TMEM131L: variants seen among roughly 807,000 people sequenced by gnomAD.
The protein encoded by TMEM131L is transmembrane 131 like.
Under a neutral mutation model 192.2 loss-of-function variants are expected in TMEM131L, and 54 were observed. The observed-to-expected ratio is 0.28, with a 90% confidence interval of 0.23 to 0.35. The LOEUF is 0.35. TMEM131L is among the 10% of genes least tolerant of loss of function. The pLI, the probability that TMEM131L is intolerant of heterozygous loss-of-function variation, is 1.00. For missense variants in TMEM131L, 1,888 were observed against 1,972.9 expected (o/e 0.96, Z 0.82); for synonymous variants, 701 against 704.9 (o/e 0.99, Z 0.09).
At position 153,602,236 on chromosome 4, in the gene TMEM131L, C is replaced by T. The variant is rs1214145417; in HGVS notation, c.2351C>T (p.Ser784Phe). The change falls in exon 22 of 35, where the codon TCT (serine) becomes TTT (phenylalanine). Residue 784 changes from serine (S) to phenylalanine (F), a missense_variant. Physicochemically the swap from Ser to Phe is radical, Grantham distance 155 (BLOSUM62 -2). Coordinates refer to ENST00000409959, the MANE Select transcript of TMEM131L (RefSeq NM_001131007.2). ...NIGPLPITVSSLKINGYNCQG... is the reference protein window; with the variant it reads ...NIGPLPITVSFLKINGYNCQG... ...GGACCTCTTCCTATAACTGTTTCGT[C>T]TCTGAAAATTAATGGGTATAACTGC... 6.2e-7 allele frequency: 1 copy of T among 1,613,278 alleles called. No homozygotes were observed.
At chr4:153,552,412 G>A (rs532372269) in intron 4 of TMEM131L, among the ~76,000 whole-genome samples, 29 of 152,160 alleles carry the variant, frequency 1.9e-4, no homozygotes, top group Non-Finnish European at 8.8e-5. Flanking sequence ...TGCACATGGG[G>A]GTATGTTTAC....
intron 3 of TMEM131L, among the ~76,000 whole-genome samples, chr4:153,512,633 G>A (rs1734432376): frequency 6.6e-6 from 1 of 151,548 alleles, no homozygotes; most frequent in Non-Finnish European, 1.5e-5. Flanking sequence ...TTTATCTTTT[G>A]AGACAGAGTC....
At position 153,584,927 on chromosome 4, in the gene TMEM131L, CAG is replaced by C; in HGVS notation, c.1154_1155del (p.Gln385ArgfsTer4). The C allele has an allele frequency of 6.2e-7, 1 of 1,611,424 alleles. No homozygotes were observed. The highest frequency in any genetic ancestry group is 8.5e-7 in the Non-Finnish European group (1 of 1,177,584). Reference protein sequence around the residue: ...LKACLFSSVAQGYFRMDSSAT... With the variant: ...LKACLFSSVAXGYFRMDSSAT... ...AGCATGCCTCTTCTCTTCTGTGGCTCAGGGGTAGGTTACTTCCACTTTCCCTG... is the reference window on the plus strand; with the variant it reads ...AGCATGCCTCTTCTCTTCTGTGGCTCGGGTAGGTTACTTCCACTTTCCCTG... On this transcript the variant is annotated frameshift_variant and splice_region_variant, in exon 12 of 35. Coordinates refer to ENST00000409959, the MANE Select transcript of TMEM131L (RefSeq NM_001131007.2). LOFTEE classifies it high-confidence loss of function.
chr4:153,583,744 CTA>C, intron 11 of TMEM131L, 72 bp downstream of exon 11: 3 of 864,156 alleles, frequency 3.5e-6, no homozygotes, highest in Non-Finnish European at 5.7e-6. Context: ...CTTTCTACAA[CTA>C]CAGATTAGGC....
intron 7 of TMEM131L, 174 bp downstream of exon 7, chr4:153,558,542 G>A (rs1005890712): frequency 1.4e-5 from 6 of 427,730 alleles, no homozygotes; most frequent in Non-Finnish European, 2.1e-5. Context: ...GGAGTTCACA[G>A]TGTTGATATT....
In TMEM131L at chr4:153,591,154, T is replaced by G. The variant is rs893485964; in HGVS notation, c.1772T>G (p.Leu591Arg). 1 of 1,610,344 alleles carries G rather than the reference T, an allele frequency of 6.2e-7. No homozygotes were observed. Among genetic ancestry groups the G allele is most frequent in the African/African-American group, 1.3e-5 (1 of 74,862 alleles). ...FLPRLIAEPG[L>R]MLNFSATALR... Reference sequence around the variant, plus strand: ...CCTCGTTTGATCGCAGAGCCTGGCCTCATGTTAAACTTCAGCGCAACTGCC... The same window carrying G: ...CCTCGTTTGATCGCAGAGCCTGGCCGCATGTTAAACTTCAGCGCAACTGCC... Residue 591 changes from leucine to arginine, a missense_variant, in exon 17 of 35, where the codon CTC (leucine) becomes CGC (arginine). Physicochemically the swap from Leu to Arg is moderately radical, Grantham distance 102. Transcript: ENST00000409959.
intron 3 of TMEM131L, among the ~76,000 whole-genome samples, chr4:153,506,613 G>T (rs539459405): frequency 3.3e-5 from 5 of 152,142 alleles, no homozygotes; most frequent in Admixed American, 6.5e-5. Flanking sequence ...GAGGCCAAGG[G>T]GGGGACTCAT....
intron 3 of TMEM131L, among the ~76,000 whole-genome samples, chr4:153,475,781 G>A (rs1444259575): frequency 6.6e-6 from 1 of 152,008 alleles, no homozygotes; most frequent in Non-Finnish European, 1.5e-5. Context: ...CATTGTATTA[G>A]GTATTATTAG....
At chr4:153,627,299 G>A (rs955984937) in intron 30 of TMEM131L, among the ~76,000 whole-genome samples, 6 of 152,130 alleles carry the variant, frequency 3.9e-5, no homozygotes, top group Admixed American at 3.9e-4. Context: ...ATACAGACAG[G>A]TGGCTACCTG....
rs111490562 is a variant in TMEM131L at position 153,623,189 on chromosome 4, G to A, written c.4045+106G>A. 3.8e-5 allele frequency: 39 copies of A among 1,039,620 alleles called. No individual in the cohort carries two copies. The African/African-American group carries it at 5.2e-4, about 14-fold the overall frequency. The allele number at this position is 1,039,620 out of a possible 1,614,324, so 64.4% of individuals were successfully genotyped here. A position where few individuals can be genotyped will look rare whatever the true frequency, so the allele number is the denominator to read the frequency against. On this transcript the variant is annotated intron_variant, in intron 29 of 34. Transcript: ENST00000409959. ...TCTGCCTTCAGGAGTGCAGAGGACAGATGGGACAGTGGCCTTGACCTTTGC... is the reference window on the plus strand; with the variant it reads ...TCTGCCTTCAGGAGTGCAGAGGACAAATGGGACAGTGGCCTTGACCTTTGC...
intron 3 of TMEM131L, among the ~76,000 whole-genome samples, chr4:153,521,243 C>T (rs1216516460): frequency 6.6e-6 from 1 of 152,104 alleles, no homozygotes; most frequent in Non-Finnish European, 1.5e-5. Flanking sequence ...GCTGTGGCGG[C>T]TGTCAGGGAT....
chr4:153,525,892 C>T (rs1384774539), intron 3 of TMEM131L, among the ~76,000 whole-genome samples: 1 of 151,688 alleles, frequency 6.6e-6, no homozygotes, highest in East Asian at 1.9e-4. Flanking sequence ...GAGTCTCGCT[C>T]TGTCGCCAGG....
At chr4:153,471,947 A>G (rs1482114715) in intron 2 of TMEM131L, among the ~76,000 whole-genome samples, 1 of 152,226 alleles carries the variant, frequency 6.6e-6, no homozygotes, top group Non-Finnish European at 1.5e-5. Context: ...AGGAAATGAT[A>G]CACAGAGTTT....
intron 3 of TMEM131L, among the ~76,000 whole-genome samples, chr4:153,542,181 AG>A (rs763890073): frequency 1.3e-5 from 2 of 152,200 alleles, no homozygotes; most frequent in Non-Finnish European, 2.9e-5. Flanking sequence ...GTGAGAAAAG[AG>A]TAGAGGAAGA....
At chr4:153,588,005 C>T (rs1239662735) in intron 15 of TMEM131L, among the ~76,000 whole-genome samples, 194 bp downstream of exon 15, 1 of 149,452 alleles carries the variant, frequency 6.7e-6, no homozygotes, top group African/African-American at 2.5e-5. Flanking sequence ...GTAAATAATG[C>T]CCCTTTATTA....
At chr4:153,530,433 A>G (rs1418172786) in intron 3 of TMEM131L, among the ~76,000 whole-genome samples, 1 of 152,154 alleles carries the variant, frequency 6.6e-6, no homozygotes, top group Non-Finnish European at 1.5e-5. Flanking sequence ...CAGTTTCCCC[A>G]CAGGAAGGGG....
chr4:153,625,048 T>C (rs575748375), intron 29 of TMEM131L, among the ~76,000 whole-genome samples: 12 of 152,346 alleles, frequency 7.9e-5, no homozygotes, highest in Admixed American at 7.8e-4. Context: ...TTCACAGCAC[T>C]GATAACGTTC....
At chr4:153,543,738 TTGAC>T (rs1460128534) in intron 3 of TMEM131L, among the ~76,000 whole-genome samples, 1 of 152,190 alleles carries the variant, frequency 6.6e-6, no homozygotes, top group African/African-American at 2.4e-5. Context: ...AAGATGGTGG[TTGAC>T]TAAGTATCCC....
At chr4:153,592,306 T>C (rs1203692478) in intron 17 of TMEM131L, among the ~76,000 whole-genome samples, 169 bp from the exon 18 acceptor site, 1 of 152,174 alleles carries the variant, frequency 6.6e-6, no homozygotes, top group African/African-American at 2.4e-5. Flanking sequence ...TCTTTGCCTT[T>C]TATGACATAG....
Sources: gnomAD v4.1 joint callset for allele counts (sites outside exome capture counted in the v4.1 genomes callset) on GRCh38, gnomAD v4.1.1 for gene constraint, MANE v1.5 for transcripts, NCBI Gene and HGNC (gene_info 2026-07-23, HGNC 2026-07-21) for gene names.